GALNT13: variants seen among roughly 807,000 people sequenced by gnomAD.
GALNT13 encodes the protein polypeptide N-acetylgalactosaminyltransferase 13.
Under a neutral mutation model 64.2 loss-of-function variants are expected in GALNT13, and 28 were observed. The observed-to-expected ratio is 0.44, with a 90% CI of 0.32 to 0.60. The LOEUF (loss-of-function observed/expected upper bound fraction) is 0.60. Ranked by LOEUF, GALNT13 falls within the 20% of genes least tolerant of loss-of-function variation. GALNT13 has a pLI of 0.05. For missense variants in GALNT13, 577 were observed against 669.8 expected (o/e 0.86, Z 1.53); for synonymous variants, 214 against 224.6 (o/e 0.95, Z 0.42).
At chr2:154,015,810 C>T (rs945578847) in intron 3 of GALNT13, among the ~76,000 whole-genome samples, 2 of 152,050 alleles carry the variant, frequency 1.3e-5, no homozygotes, top group African/African-American at 4.8e-5. Context: ...TTTGTACTCT[C>T]CTGCCTAAAA....
At chr2:153,646,303 A>G in the GALNT13 span, among the ~76,000 whole-genome samples, 1 of 151,936 alleles carries the variant, frequency 6.6e-6, no homozygotes, top group South Asian at 2.1e-4. Flanking sequence ...TACTAAGATT[A>G]TAGTTTTAAG....
the GALNT13 span, among the ~76,000 whole-genome samples, chr2:153,497,522 ATTTTTTTTTTTTTT>A: frequency 1.8e-3 from 67 of 36,898 alleles, no homozygotes; most frequent in Middle Eastern, 0.071. Flanking sequence ...TTTCTCCCGC[ATTTTTTTTTTTTTT>A]TTTTTTTTTT....
At chr2:153,638,358 A>G in the GALNT13 span, among the ~76,000 whole-genome samples, 1 of 152,200 alleles carries the variant, frequency 6.6e-6, no homozygotes, top group South Asian at 2.1e-4. Context: ...TGAAGGCAAT[A>G]GAGGAAGCAG....
At chr2:153,125,346 A>G in the GALNT13 span, among the ~76,000 whole-genome samples, 11 of 150,620 alleles carry the variant, frequency 7.3e-5, no homozygotes, top group Admixed American at 4.7e-4. Context: ...TGAAGTTTTA[A>G]TGTAGTAACC....
chr2:153,351,342 T>C, the GALNT13 span, among the ~76,000 whole-genome samples: 1,486 of 152,266 alleles, frequency 9.8e-3, 27 homozygotes, highest in African/African-American at 0.034. Flanking sequence ...CTCAGCAAAA[T>C]TGGGCAGAAT....
chr2:154,110,602 A>AT (rs1389975287), intron 3 of GALNT13, among the ~76,000 whole-genome samples: 2 of 151,606 alleles, frequency 1.3e-5, no homozygotes, highest in Non-Finnish European at 2.9e-5. Flanking sequence ...GTCTTTTGAC[A>AT]TTTTTCTGCT....
chr2:153,555,851 C>T, the GALNT13 span, among the ~76,000 whole-genome samples: 2 of 152,142 alleles, frequency 1.3e-5, no homozygotes, highest in Non-Finnish European at 2.9e-5. Context: ...GATGACATTA[C>T]AGAAGATTAT....
At chr2:154,036,622 C>T (rs1315861900) in intron 3 of GALNT13, among the ~76,000 whole-genome samples, 1 of 152,042 alleles carries the variant, frequency 6.6e-6, no homozygotes, top group Non-Finnish European at 1.5e-5. Context: ...TGTATGCACA[C>T]CTTTTTTACA....
At chr2:153,186,320 A>G in the GALNT13 span, among the ~76,000 whole-genome samples, 1 of 149,730 alleles carries the variant, frequency 6.7e-6, no homozygotes, top group Non-Finnish European at 1.5e-5. Flanking sequence ...TTTTTCCTCC[A>G]CCTCTTTATT....
At chr2:153,938,702 T>G (rs1186758426) in intron 2 of GALNT13, among the ~76,000 whole-genome samples, 1 of 152,186 alleles carries the variant, frequency 6.6e-6, no homozygotes, top group Non-Finnish European at 1.5e-5. Context: ...GTCCTCTTTT[T>G]GTGGTTGGTA....
chr2:153,086,887 G>C, the GALNT13 span, among the ~76,000 whole-genome samples: 1 of 152,042 alleles, frequency 6.6e-6, no homozygotes, highest in African/African-American at 2.4e-5. Context: ...TTTTGGATGA[G>C]TCTTCTGGGT....
At chr2:154,242,223 TTTG>T (rs1272596049) in intron 5 of GALNT13, 27 bp downstream of exon 5, 44 of 1,593,312 alleles carry the variant, frequency 2.8e-5, no homozygotes, top group Non-Finnish European at 3.5e-5. Flanking sequence ...TGTTTTTGTT[TTTG>T]TTTTTTTGTT....
At chr2:153,556,955 C>A in the GALNT13 span, among the ~76,000 whole-genome samples, 6 of 152,222 alleles carry the variant, frequency 3.9e-5, no homozygotes, top group African/African-American at 1.4e-4. Flanking sequence ...AATAAGATAT[C>A]CTAAATTCAG....
the GALNT13 span, among the ~76,000 whole-genome samples, chr2:153,717,435 T>G: frequency 6.6e-6 from 1 of 152,224 alleles, no homozygotes; most frequent in South Asian, 2.1e-4. Context: ...GATACCAATT[T>G]ATGTACTTGT....
intron 10 of GALNT13, among the ~76,000 whole-genome samples, chr2:154,397,339 T>TGAGGCAGGAGAATGGTGTG (rs1699101589): frequency 6.6e-6 from 1 of 152,026 alleles, no homozygotes; most frequent in Non-Finnish European, 1.5e-5. Flanking sequence ...CTCGGGAGGC[T>TGAGGCAGGAGAATGGTGTG]GAGGCAGGAG....
At chr2:153,441,860 G>A in the GALNT13 span, among the ~76,000 whole-genome samples, 1 of 152,030 alleles carries the variant, frequency 6.6e-6, no homozygotes, top group Admixed American at 6.5e-5. Flanking sequence ...GAGACAATGG[G>A]GTTTCCTAAA....
At chr2:154,310,963 T>C (rs1369204179) in intron 9 of GALNT13, among the ~76,000 whole-genome samples, 1 of 151,966 alleles carries the variant, frequency 6.6e-6, no homozygotes, top group Non-Finnish European at 1.5e-5. Flanking sequence ...TAGAATATTC[T>C]AAGAATATAT....
intron 1 of GALNT13, among the ~76,000 whole-genome samples, chr2:153,887,978 A>G (rs575313411): frequency 1.9e-4 from 29 of 152,142 alleles, no homozygotes; most frequent in African/African-American, 6.0e-4. Flanking sequence ...TGATTTTTAT[A>G]CATGCTTATT....
At chr2:153,179,861 T>C in the GALNT13 span, among the ~76,000 whole-genome samples, 1 of 152,124 alleles carries the variant, frequency 6.6e-6, no homozygotes, top group Non-Finnish European at 1.5e-5. Context: ...GAAATACTAC[T>C]AATTTTTTTG....
Sources: gnomAD v4.1 joint callset for allele counts (sites outside exome capture counted in the v4.1 genomes callset) on GRCh38, gnomAD v4.1.1 for gene constraint, MANE v1.5 for transcripts, NCBI Gene and HGNC (gene_info 2026-07-23, HGNC 2026-07-21) for gene names.